NTRK3: variants seen among roughly 807,000 people sequenced by gnomAD.
The protein encoded by NTRK3 is neurotrophic receptor tyrosine kinase 3, also known as NT-3 growth factor receptor.
NTRK3 carries 24 observed loss-of-function variants against 91.7 expected under a neutral mutation model. That is an observed-to-expected ratio of 0.26 (90% CI 0.19 to 0.37). The LOEUF (loss-of-function observed/expected upper bound fraction) is 0.37, where lower values mean the gene tolerates loss of function less well. Among genes scored for constraint, NTRK3 ranks in the 10% least tolerant of loss-of-function variants. NTRK3 has a pLI of 1.00. For missense variants in NTRK3, 880 were observed against 1,068.9 expected, an observed-to-expected ratio of 0.82 and a Z score of 2.46; for synonymous variants, 483 against 404.0, an observed-to-expected ratio of 1.20 and a Z score of -2.34.
Position 88,075,736 on chromosome 15 carries a change from T to A in NTRK3, c.1397-42691A>T, listed in dbSNP as rs79834095. ...CCATGATGGTTATTTGCAACAACAGTAGATACTGTTTTGTAGGCCACAAAG... is the reference window on the plus strand; with the variant it reads ...CCATGATGGTTATTTGCAACAACAGAAGATACTGTTTTGTAGGCCACAAAG... On this transcript the variant is annotated intron_variant, in intron 13 of 18. Transcript: ENST00000394480. Among the ~76,000 whole-genome samples the A allele has an allele frequency of 9.4e-3, 1,427 of 152,308 alleles. 29 individuals are homozygous for A. Among genetic ancestry groups the A allele is most frequent in the African/African-American group, 0.033 (1,359 of 41,568 alleles).
intron 17 of NTRK3, among the ~76,000 whole-genome samples, chr15:87,887,508 T>C (rs1020140627): frequency 2.0e-5 from 3 of 152,178 alleles, no homozygotes; most frequent in African/African-American, 7.2e-5. Context: ...CAAAAGTATA[T>C]ACACAAAGTA....
chr15:88,052,053 G>A (rs2080878156), intron 13 of NTRK3, among the ~76,000 whole-genome samples: 1 of 152,190 alleles, frequency 6.6e-6, no homozygotes, highest in Admixed American at 6.5e-5. Flanking sequence ...ACCTATCCAG[G>A]CATTTAGTAA....
intron 3 of NTRK3, among the ~76,000 whole-genome samples, chr15:88,191,837 G>A (rs1273210898): frequency 3.9e-5 from 6 of 152,360 alleles, no homozygotes. Context: ...ATGGGATCAC[G>A]CTAGCCAAGT....
At chr15:87,992,875 A>G (rs1313689719) in intron 14 of NTRK3, among the ~76,000 whole-genome samples, 1 of 152,168 alleles carries the variant, frequency 6.6e-6, no homozygotes, top group African/African-American at 2.4e-5. Flanking sequence ...TCTATTTCCC[A>G]TGTGATAGAT....
chr15:88,245,651 G>A (rs897431946), intron 3 of NTRK3, among the ~76,000 whole-genome samples: 7 of 152,168 alleles, frequency 4.6e-5, no homozygotes, highest in Non-Finnish European at 8.8e-5. Context: ...TGCTTGTGGG[G>A]ATGAGGTTCT....
rs11854394 is a variant in NTRK3, at chr15:88,155,384, T to G, written c.396-7981A>C. On this transcript the variant is annotated intron_variant, in intron 5 of 18. Transcript: ENST00000394480. ...AGAGGCAAGAAAACCCATTCATCCA[T>G]TCTCCCTTAGAGCCTCCAGAAAGAA... is the stretch of plus-strand genomic sequence containing the variant. Among the ~76,000 whole-genome samples the G allele has an allele frequency of 9.1e-3, 1,384 of 152,274 alleles. 30 individuals are homozygous for G. Among genetic ancestry groups the G allele is most frequent in the African/African-American group, 0.031 (1,298 of 41,550 alleles).
intron 14 of NTRK3, among the ~76,000 whole-genome samples, chr15:88,028,352 T>C (rs1318707981): frequency 1.3e-5 from 2 of 151,774 alleles, no homozygotes; most frequent in Non-Finnish European, 1.5e-5. Flanking sequence ...ATGGATTAAA[T>C]AGACAAAAGG....
intron 17 of NTRK3, among the ~76,000 whole-genome samples, chr15:87,926,310 T>C (rs1230957137): frequency 2.0e-5 from 3 of 152,210 alleles, no homozygotes; most frequent in South Asian, 2.1e-4. Context: ...TAAGTGAACA[T>C]GAAGATATGC....
In NTRK3 at chr15:87,894,698, C is replaced by G. The variant is rs528914551; in HGVS notation, c.2134-14270G>C. 1.2e-4 allele frequency among the ~76,000 whole-genome samples: 18 copies of G among 152,268 alleles called. No individual in the cohort carries two copies. In the South Asian group the frequency reaches 1.2e-3, roughly 11 times the overall value. ...CTGGAATGAACCTTTCTCACTGCCC[C>G]CCTTCTCCAACTGTTGGTATGTCTC... On this transcript the variant is annotated intron_variant, in intron 17 of 18. Transcript: ENST00000394480.
intron 3 of NTRK3, among the ~76,000 whole-genome samples, chr15:88,229,317 G>C (rs575369573): frequency 6.6e-6 from 1 of 152,214 alleles, no homozygotes; most frequent in South Asian, 2.1e-4. Flanking sequence ...CAACATCCTA[G>C]AGCCCATGAG....
At chr15:88,190,358 G>C (rs1466478619) in intron 3 of NTRK3, among the ~76,000 whole-genome samples, 6 of 152,044 alleles carry the variant, frequency 3.9e-5, no homozygotes, top group Non-Finnish European at 8.8e-5. Flanking sequence ...TTTTTAAACA[G>C]AGTAGACAGA....
chr15:88,207,954 G>A (rs2048933972), intron 3 of NTRK3, among the ~76,000 whole-genome samples: 1 of 152,158 alleles, frequency 6.6e-6, no homozygotes, highest in Non-Finnish European at 1.5e-5. Flanking sequence ...ATTCTGGGAG[G>A]CCAGCCTGCA....
intron 13 of NTRK3, among the ~76,000 whole-genome samples, chr15:88,066,618 A>T (rs2046671999): frequency 6.6e-6 from 1 of 152,160 alleles, no homozygotes; most frequent in South Asian, 2.1e-4. Context: ...AAGGGAGGGG[A>T]GAAGCACATA....
intron 13 of NTRK3, among the ~76,000 whole-genome samples, chr15:88,106,709 G>A (rs894353842): frequency 6.6e-6 from 1 of 152,024 alleles, no homozygotes; most frequent in African/African-American, 2.4e-5. Flanking sequence ...AGGGGGAACG[G>A]ATCATGAGGT....
At chr15:87,865,690 T>C (rs956713676) in exon 19 of NTRK3, 2 of 221,442 alleles carry the variant, frequency 9.0e-6, no homozygotes, top group African/African-American at 4.5e-5. Context: ...GACAGAACCT[T>C]ATGAAAGCAA....
chr15:87,864,788 A>C (rs2064619112), exon 19 of NTRK3: 1 of 229,168 alleles, frequency 4.4e-6, no homozygotes, highest in African/African-American at 2.2e-5. Context: ...ACGTCTCAAA[A>C]GCGGCTCTCA....
At chr15:87,997,439 T>G (rs1033933425) in intron 14 of NTRK3, among the ~76,000 whole-genome samples, 1 of 152,152 alleles carries the variant, frequency 6.6e-6, no homozygotes, top group Non-Finnish European at 1.5e-5. Flanking sequence ...TGAATACAAC[T>G]GCATTCTTAC....
chr15:87,919,431 G>A (rs557611860), intron 17 of NTRK3, among the ~76,000 whole-genome samples: 13 of 152,256 alleles, frequency 8.5e-5, no homozygotes, highest in Non-Finnish European at 1.3e-4. Context: ...CCCTCTCCAC[G>A]TCATCTTCTC....
chr15:87,986,666 A>G (rs1024059671), intron 14 of NTRK3, among the ~76,000 whole-genome samples: 2 of 152,274 alleles, frequency 1.3e-5, no homozygotes, highest in Non-Finnish European at 2.9e-5. Flanking sequence ...GCTACAAATT[A>G]TCTGCCTATT....
Sources: gnomAD v4.1 joint callset for allele counts (sites outside exome capture counted in the v4.1 genomes callset) on GRCh38, gnomAD v4.1.1 for gene constraint, MANE v1.5 for transcripts, NCBI Gene and HGNC (gene_info 2026-07-23, HGNC 2026-07-21) for gene names.